The following RPS6KC1 variants were observed in gnomAD, a reference collection of about 807,000 sequenced individuals.
The protein encoded by RPS6KC1 is inactive ribosomal protein S6 kinase delta-1.
Under a neutral mutation model 103.8 loss-of-function variants are expected in RPS6KC1, and 54 were observed. The observed-to-expected ratio is 0.52, with a 90% CI of 0.42 to 0.65. RPS6KC1 has a LOEUF of 0.65. Among genes scored for constraint, RPS6KC1 ranks in the 30% least tolerant of loss-of-function variants. RPS6KC1 has a pLI of 0.00. For synonymous variants in RPS6KC1, 439 were observed against 438.7 expected (o/e 1.00, Z -0.01); for missense variants, 1,151 against 1,253.8 (o/e 0.92, Z 1.24).
chr1:213,549,127 C>A, the RPS6KC1 span, among the ~76,000 whole-genome samples: 1 of 152,132 alleles, frequency 6.6e-6, no homozygotes, highest in Non-Finnish European at 1.5e-5. Flanking sequence ...GAATGTGCCT[C>A]CTGAGTTTAT....
chr1:213,454,493 A>G, the RPS6KC1 span, among the ~76,000 whole-genome samples: 2 of 152,252 alleles, frequency 1.3e-5, no homozygotes, highest in African/African-American at 4.8e-5. Flanking sequence ...GGTGTTGGGC[A>G]CACACAGGTG....
chr1:213,283,550 C>T, the RPS6KC1 span, among the ~76,000 whole-genome samples: 1 of 152,140 alleles, frequency 6.6e-6, no homozygotes, highest in African/African-American at 2.4e-5. Context: ...CACTGGGAAG[C>T]TCAGTGGCCC....
the RPS6KC1 span, among the ~76,000 whole-genome samples, chr1:213,653,401 G>A: frequency 6.6e-6 from 1 of 152,066 alleles, no homozygotes; most frequent in Admixed American, 6.5e-5. Flanking sequence ...AGAGGCTGCA[G>A]TGAGCCGTGA....
At chr1:213,087,433 A>C (rs895052734) in intron 3 of RPS6KC1, among the ~76,000 whole-genome samples, 3 of 152,196 alleles carry the variant, frequency 2.0e-5, no homozygotes, top group African/African-American at 7.2e-5. Context: ...TATTGGTTCT[A>C]AGAGGCTGTG....
the RPS6KC1 span, among the ~76,000 whole-genome samples, chr1:213,673,392 A>G: frequency 6.6e-6 from 1 of 152,222 alleles, no homozygotes; most frequent in African/African-American, 2.4e-5. Context: ...GGCTGAAGAG[A>G]AAAAAGAGGT....
At chr1:213,627,793 A>G in the RPS6KC1 span, among the ~76,000 whole-genome samples, 19 of 152,202 alleles carry the variant, frequency 1.2e-4, no homozygotes, top group African/African-American at 4.6e-4. Flanking sequence ...ATGATGGATA[A>G]GGTTTTTGAT....
At chr1:213,485,844 T>C in the RPS6KC1 span, among the ~76,000 whole-genome samples, 147 of 152,286 alleles carry the variant, frequency 9.7e-4, no homozygotes, top group African/African-American at 3.4e-3. Flanking sequence ...GTGATAGGAT[T>C]TTATTGGTCA....
chr1:213,488,252 C>T, the RPS6KC1 span, among the ~76,000 whole-genome samples: 1 of 152,312 alleles, frequency 6.6e-6, no homozygotes, highest in African/African-American at 2.4e-5. Flanking sequence ...CAATGGATGG[C>T]TGTATTAACA....
chr1:213,419,347 C>CT, the RPS6KC1 span, among the ~76,000 whole-genome samples: 1 of 152,136 alleles, frequency 6.6e-6, no homozygotes, highest in Non-Finnish European at 1.5e-5. Context: ...GGCTTCAACT[C>CT]TTTTTTTGGT....
At chr1:213,056,506 A>G (rs953905088) in intron 1 of RPS6KC1, among the ~76,000 whole-genome samples, 13 of 152,348 alleles carry the variant, frequency 8.5e-5, no homozygotes, top group Middle Eastern at 3.4e-3. Flanking sequence ...AAAGTGATGG[A>G]TACGTGAATA....
chr1:213,110,325 T>C (rs1420854622), intron 4 of RPS6KC1, among the ~76,000 whole-genome samples: 2 of 152,188 alleles, frequency 1.3e-5, no homozygotes, highest in Admixed American at 1.3e-4. Flanking sequence ...TAATATACGA[T>C]AGAACTCTAA....
At chr1:213,440,338 C>G in the RPS6KC1 span, among the ~76,000 whole-genome samples, 1 of 152,134 alleles carries the variant, frequency 6.6e-6, no homozygotes, top group Admixed American at 6.5e-5. Flanking sequence ...AGAAAATTCA[C>G]AAAGAAAGCA....
chr1:213,129,424 A>T (rs538313329), intron 5 of RPS6KC1, 103 bp from the exon 6 acceptor site: 1 of 1,307,962 alleles, frequency 7.6e-7, no homozygotes, highest in African/African-American at 1.5e-5. Flanking sequence ...ACAGCCTTCC[A>T]AATTGACTTG....
At chr1:213,624,251 G>A in the RPS6KC1 span, among the ~76,000 whole-genome samples, 1 of 152,226 alleles carries the variant, frequency 6.6e-6, no homozygotes, top group Non-Finnish European at 1.5e-5. Context: ...AGCACTTGCT[G>A]TGTACTCAGC....
In RPS6KC1 at chr1:213,169,778, T is replaced by C. The variant is rs551867689; in HGVS notation, c.951+1805T>C. Among the ~76,000 whole-genome samples the C allele has an allele frequency of 3.3e-3, 491 of 150,712 alleles. 4 individuals carry two copies. Among genetic ancestry groups the C allele is most frequent in the African/African-American group, 0.011 (465 of 40,978 alleles). On this transcript the variant is annotated intron_variant, in intron 7 of 14. Transcript: ENST00000366960. ...AAGTTTTTTTAAATTTTTAAATTTT[T>C]AAGTTTTTTTTTTTTTTTTTTGAGA...
At chr1:213,266,732 G>C (rs1429920064) in intron 14 of RPS6KC1, among the ~76,000 whole-genome samples, 1 of 151,990 alleles carries the variant, frequency 6.6e-6, no homozygotes, top group Non-Finnish European at 1.5e-5. Context: ...ATGAAACCCT[G>C]TCTCTACTAA....
the RPS6KC1 span, among the ~76,000 whole-genome samples, chr1:213,359,460 G>A: frequency 6.6e-6 from 1 of 152,154 alleles, no homozygotes; most frequent in Non-Finnish European, 1.5e-5. Context: ...CTCTGCAGGG[G>A]AGATGGGTCT....
intron 6 of RPS6KC1, among the ~76,000 whole-genome samples, chr1:213,136,189 C>T (rs1019142200): frequency 6.6e-6 from 1 of 152,192 alleles, no homozygotes; most frequent in Non-Finnish European, 1.5e-5. Flanking sequence ...AAGGTAACCC[C>T]TGACTAGCTC....
intron 6 of RPS6KC1, among the ~76,000 whole-genome samples, chr1:213,156,205 A>G (rs1244126159): frequency 6.6e-6 from 1 of 152,206 alleles, no homozygotes; most frequent in Non-Finnish European, 1.5e-5. Flanking sequence ...TAGCATCCAC[A>G]GTGTCAGAAA....
Sources: allele counts gnomAD v4.1 joint callset (sites outside exome capture counted in the v4.1 genomes callset), GRCh38; gene constraint gnomAD v4.1.1; transcripts MANE v1.5; gene names NCBI Gene and HGNC (gene_info 2026-07-23, HGNC 2026-07-21).